The following ROBO2 variants were observed in gnomAD, a reference collection of about 807,000 sequenced individuals.
ROBO2 encodes roundabout homolog 2.
ROBO2 carries 53 observed loss-of-function variants against 160.8 expected under a neutral mutation model. The ratio of observed to expected loss-of-function variants is 0.33; its 90% CI spans 0.26 to 0.41. The LOEUF is 0.41. Among genes scored for constraint, ROBO2 ranks in the 10% least tolerant of loss-of-function variants. The pLI is 1.00. For synonymous variants in ROBO2, 664 were observed against 611.7 expected (o/e 1.09, Z -1.26); for missense variants, 1,577 against 1,722.4 (o/e 0.92, Z 1.49).
At position 76,803,610 on chromosome 3, in the gene ROBO2, A is replaced by G. The variant is rs1167031; in HGVS notation, c.110-294404A>G. Among the ~76,000 whole-genome samples the G allele has an allele frequency of 3.1e-3, 473 of 152,228 alleles. 2 individuals carry two copies. Among genetic ancestry groups the G allele is most frequent in the African/African-American group, 0.011 (441 of 41,560 alleles). On this transcript the variant is annotated intron_variant, in intron 2 of 26. Transcript: ENST00000487694. ...CACACATACAAACTTATCTTTCTCT[A>G]CTTTTCTCAAACTATTTTATCAATT...
chr3:76,618,718 A>C (rs2088799631), intron 2 of ROBO2, among the ~76,000 whole-genome samples: 1 of 151,828 alleles, frequency 6.6e-6, no homozygotes, highest in African/African-American at 2.4e-5. Context: ...CCTAATACAC[A>C]AATGTACAAT....
At chr3:77,040,703 C>T (rs2063996076) in exon 1 of ROBO2, 2 of 1,609,568 alleles carry the variant, frequency 1.2e-6, no homozygotes, top group Admixed American at 3.3e-5. Flanking sequence ...TTGGACCTAC[C>T]TCTTTTTTTG....
intron 2 of ROBO2, among the ~76,000 whole-genome samples, chr3:77,359,245 G>T (rs1434880144): frequency 6.6e-6 from 1 of 152,220 alleles, no homozygotes; most frequent in Non-Finnish European, 1.5e-5. Context: ...TGCCTAGGCA[G>T]GCAGGGCTGT....
intron 2 of ROBO2, among the ~76,000 whole-genome samples, chr3:76,235,740 T>G (rs1434759176): frequency 6.6e-6 from 1 of 152,192 alleles, no homozygotes; most frequent in East Asian, 1.9e-4. Context: ...TTTATATAAT[T>G]CATTGGTGGA....
intron 2 of ROBO2, among the ~76,000 whole-genome samples, chr3:77,442,551 A>G (rs2153554930): frequency 6.6e-6 from 1 of 152,332 alleles, no homozygotes; most frequent in Non-Finnish European, 1.5e-5. Flanking sequence ...TCTAAGGATA[A>G]GCATTTAAAA....
At chr3:76,201,831 A>G (rs531557482) in intron 2 of ROBO2, among the ~76,000 whole-genome samples, 4 of 150,712 alleles carry the variant, frequency 2.7e-5, no homozygotes, top group African/African-American at 4.9e-5. Context: ...AGAAAATTCA[A>G]TATACTGTGC....
chr3:77,454,062 A>G (rs1457454681), intron 2 of ROBO2, among the ~76,000 whole-genome samples: 1 of 151,632 alleles, frequency 6.6e-6, no homozygotes, highest in Admixed American at 6.6e-5. Flanking sequence ...TAAAAAATAG[A>G]ACTTGTATGT....
chr3:76,591,861 T>C (rs1227428050), intron 2 of ROBO2, among the ~76,000 whole-genome samples: 2 of 152,162 alleles, frequency 1.3e-5, no homozygotes, highest in East Asian at 1.9e-4. Context: ...GCTCTGGAAA[T>C]TGAAAGTGTT....
intron 2 of ROBO2, among the ~76,000 whole-genome samples, chr3:76,414,594 T>C (rs1212094261): frequency 2.6e-5 from 3 of 116,516 alleles, no homozygotes; most frequent in Non-Finnish European, 4.9e-5. Context: ...GGAAGGGGAA[T>C]ATCACACTCT....
At chr3:77,323,287 G>C (rs1365831067) in intron 2 of ROBO2, among the ~76,000 whole-genome samples, 1 of 151,320 alleles carries the variant, frequency 6.6e-6, no homozygotes, top group Non-Finnish European at 1.5e-5. Flanking sequence ...CATGTCCCAA[G>C]CACATTAACC....
intron 6 of ROBO2, among the ~76,000 whole-genome samples, chr3:77,532,537 C>A (rs1216463657): frequency 6.6e-6 from 1 of 151,728 alleles, no homozygotes; most frequent in African/African-American, 2.4e-5. Context: ...CTCATTTCTT[C>A]AAATTATATT....
chr3:77,379,104 C>A (rs542890978), intron 2 of ROBO2, among the ~76,000 whole-genome samples: 45 of 152,196 alleles, frequency 3.0e-4, no homozygotes, highest in African/African-American at 1.1e-3. Context: ...CATGCCACCA[C>A]GCCCAGCTAA....
intron 2 of ROBO2, among the ~76,000 whole-genome samples, chr3:77,320,428 G>A (rs573497159): frequency 6.6e-6 from 1 of 152,040 alleles, no homozygotes; most frequent in African/African-American, 2.4e-5. Context: ...GCACTTTGGC[G>A]CTGCTTCTGT....
chr3:76,327,585 A>G (rs2073129425), intron 2 of ROBO2, among the ~76,000 whole-genome samples: 1 of 152,218 alleles, frequency 6.6e-6, no homozygotes, highest in African/African-American at 2.4e-5. Context: ...TAGAAGCAGA[A>G]GATGATCCTT....
At chr3:77,240,953 G>A (rs1446850525) in intron 2 of ROBO2, among the ~76,000 whole-genome samples, 3 of 152,182 alleles carry the variant, frequency 2.0e-5, no homozygotes, top group Admixed American at 6.5e-5. Context: ...TTATCTACAA[G>A]TGTATTCACA....
chr3:76,779,401 T>C (rs1256451972), intron 2 of ROBO2, among the ~76,000 whole-genome samples: 1 of 150,978 alleles, frequency 6.6e-6, no homozygotes, highest in Non-Finnish European at 1.5e-5. Flanking sequence ...AAATTTTAAG[T>C]TGGCAAAAAA....
At chr3:77,313,019 C>A (rs2063679138) in intron 2 of ROBO2, among the ~76,000 whole-genome samples, 1 of 152,184 alleles carries the variant, frequency 6.6e-6, no homozygotes, top group Non-Finnish European at 1.5e-5. Flanking sequence ...TGGAACCCAG[C>A]AGTTGCATCC....
At chr3:77,028,639 G>T (rs1462569210) in intron 2 of ROBO2, among the ~76,000 whole-genome samples, 2 of 152,138 alleles carry the variant, frequency 1.3e-5, no homozygotes, top group African/African-American at 2.4e-5. Context: ...AGAATCGCTT[G>T]AACCTGGGAG....
intron 2 of ROBO2, among the ~76,000 whole-genome samples, chr3:76,488,234 C>A (rs111270667): frequency 1.5e-3 from 222 of 152,300 alleles, no homozygotes; most frequent in Non-Finnish European, 2.8e-3. Flanking sequence ...TCACTGAATT[C>A]TTTGCCCAGT....
Sources: allele counts gnomAD v4.1 joint callset (sites outside exome capture counted in the v4.1 genomes callset), GRCh38; gene constraint gnomAD v4.1.1; transcripts MANE v1.5; gene names NCBI Gene and HGNC (gene_info 2026-07-23, HGNC 2026-07-21).